NUP210L: variants seen among roughly 807,000 people sequenced by gnomAD.
The protein encoded by NUP210L is nuclear pore membrane glycoprotein 210-like.
A neutral mutation model predicts 208.5 loss-of-function variants in NUP210L; 74 were observed. The ratio of observed to expected loss-of-function variants is 0.35; its 90% CI spans 0.29 to 0.43. The LOEUF (loss-of-function observed/expected upper bound fraction) is 0.43, where lower values mean the gene tolerates loss of function less well. Among genes scored for constraint, NUP210L ranks in the 20% least tolerant of loss-of-function variants. The pLI, the probability that NUP210L is intolerant of heterozygous loss-of-function variation, is 1.00. For synonymous variants in NUP210L, 780 were observed against 816.9 expected, an observed-to-expected ratio of 0.95 and a Z score of 0.77; for missense variants, 1,843 against 2,289.4, an observed-to-expected ratio of 0.81 and a Z score of 3.98.
intron 7 of NUP210L, among the ~76,000 whole-genome samples, chr1:154,131,793 TTTTTTTC>T (rs1390963284): frequency 2.3e-4 from 35 of 152,066 alleles, no homozygotes; most frequent in Admixed American, 1.1e-3. Context: ...TTTTTCTTTC[TTTTTTTC>T]TTTTTTCTTT....
chr1:154,119,453 T>C (rs2148101230), intron 10 of NUP210L, among the ~76,000 whole-genome samples: 1 of 152,180 alleles, frequency 6.6e-6, no homozygotes, highest in African/African-American at 2.4e-5. Flanking sequence ...GCTGAGCGTG[T>C]GGTGCATGCC....
exon 33 of NUP210L, chr1:154,019,017 A>G: frequency 6.2e-7 from 1 of 1,614,128 alleles, no homozygotes; most frequent in Non-Finnish European, 8.5e-7. Context: ...CTCCAGTGAC[A>G]ATGTCTGTCT....
intron 37 of NUP210L, chr1:153,995,997 T>A: frequency 2.9e-6 from 1 of 340,580 alleles, no homozygotes. Context: ...TGAGGAGACT[T>A]AAAAAAAAAA....
At chr1:154,028,961 G>A (rs916748654) in intron 28 of NUP210L, among the ~76,000 whole-genome samples, 1 of 151,762 alleles carries the variant, frequency 6.6e-6, no homozygotes, top group Non-Finnish European at 1.5e-5. Context: ...CGGGCATGGT[G>A]GTGCACGCCT....
intron 35 of NUP210L, among the ~76,000 whole-genome samples, chr1:154,005,630 G>A (rs894617457): frequency 3.3e-5 from 5 of 152,000 alleles, no homozygotes; most frequent in Non-Finnish European, 7.4e-5. Context: ...TCTGCCTCCC[G>A]GGTTCAAGTG....
chr1:154,051,965 C>T (rs934394659), intron 25 of NUP210L, among the ~76,000 whole-genome samples: 2 of 152,152 alleles, frequency 1.3e-5, no homozygotes, highest in African/African-American at 4.8e-5. Context: ...CAAGGACAAG[C>T]CATAGTGGAA....
At chr1:154,041,964 C>T (rs927989825) in intron 27 of NUP210L, among the ~76,000 whole-genome samples, 3 of 152,190 alleles carry the variant, frequency 2.0e-5, no homozygotes, top group Non-Finnish European at 2.9e-5. Context: ...AGATTTCAAT[C>T]AGTTATCTGG....
At chr1:154,071,729 G>A (rs1375277904) in intron 16 of NUP210L, among the ~76,000 whole-genome samples, 1 of 146,122 alleles carries the variant, frequency 6.8e-6, no homozygotes, top group East Asian at 2.0e-4. Flanking sequence ...TCCGCCTCCT[G>A]GGTTCAAGCG....
intron 15 of NUP210L, among the ~76,000 whole-genome samples, chr1:154,093,179 A>G (rs1333708223): frequency 3.9e-5 from 6 of 152,226 alleles, no homozygotes; most frequent in Admixed American, 2.6e-4. Context: ...CTGTAATCCC[A>G]GCACTTTGGG....
intron 27 of NUP210L, among the ~76,000 whole-genome samples, chr1:154,036,340 G>A (rs1330827943): frequency 1.4e-5 from 2 of 142,842 alleles, no homozygotes; most frequent in Non-Finnish European, 3.1e-5. Context: ...GTGTGTGTGT[G>A]TGTGTGTGTG....
At chr1:154,085,947 C>T (rs1655601315) in intron 16 of NUP210L, among the ~76,000 whole-genome samples, 1 of 152,156 alleles carries the variant, frequency 6.6e-6, no homozygotes, top group Non-Finnish European at 1.5e-5. Context: ...CACAGTGGCT[C>T]ATGCCTGTAA....
intron 20 of NUP210L, among the ~76,000 whole-genome samples, chr1:154,059,886 T>A (rs1654048167): frequency 6.6e-6 from 1 of 152,224 alleles, no homozygotes; most frequent in Admixed American, 6.5e-5. Flanking sequence ...TCCTTTGGCA[T>A]ACTGACTATG....
At chr1:154,004,974 C>T (rs1650433359) in intron 35 of NUP210L, among the ~76,000 whole-genome samples, 1 of 151,080 alleles carries the variant, frequency 6.6e-6, no homozygotes, top group Middle Eastern at 3.2e-3. Context: ...CTGCCTCAGC[C>T]TCCTGAGTAG....
intron 15 of NUP210L, among the ~76,000 whole-genome samples, chr1:154,094,110 C>A (rs934565038): frequency 6.6e-6 from 1 of 152,122 alleles, no homozygotes. Context: ...GGTAAAACCC[C>A]GTCTCTACTA....
chr1:154,008,655 G>A (rs55679727), intron 35 of NUP210L, among the ~76,000 whole-genome samples: 1 of 152,178 alleles, frequency 6.6e-6, no homozygotes, highest in Non-Finnish European at 1.5e-5. Flanking sequence ...GTAGTGAGCT[G>A]AAATCGTGCC....
At chr1:153,999,991 A>AT (rs995669130) in intron 37 of NUP210L, among the ~76,000 whole-genome samples, 128 of 147,758 alleles carry the variant, frequency 8.7e-4, no homozygotes, top group Middle Eastern at 3.5e-3. Context: ...TGCCCAGGTA[A>AT]TTTTTTTTTT....
At chr1:154,095,180 T>G (rs758107531) in intron 14 of NUP210L, 24 bp from the exon 15 acceptor site, 2 of 1,541,248 alleles carry the variant, frequency 1.3e-6, no homozygotes, top group Non-Finnish European at 1.8e-6. Flanking sequence ...AAGAAATTAA[T>G]TCCTGATAGG....
chr1:154,042,485 G>A (rs1181194109), intron 27 of NUP210L, among the ~76,000 whole-genome samples: 1 of 152,054 alleles, frequency 6.6e-6, no homozygotes, highest in Non-Finnish European at 1.5e-5. Flanking sequence ...GGAGTGCAGT[G>A]GCGCAATCTC....
intron 34 of NUP210L, among the ~76,000 whole-genome samples, chr1:154,010,350 T>C (rs1650837129): frequency 6.6e-6 from 1 of 152,116 alleles, no homozygotes; most frequent in Admixed American, 6.6e-5. Flanking sequence ...ATGTCATACA[T>C]AGGTAGTGTC....
Sources: gnomAD v4.1 joint callset for allele counts (sites outside exome capture counted in the v4.1 genomes callset) on GRCh38, gnomAD v4.1.1 for gene constraint, MANE v1.5 for transcripts, NCBI Gene and HGNC (gene_info 2026-07-23, HGNC 2026-07-21) for gene names.